ADAMTS6: variants seen among roughly 807,000 people sequenced by gnomAD.
The protein encoded by ADAMTS6 is ADAM metallopeptidase with thrombospondin type 1 motif 6, also known as A disintegrin and metalloproteinase with thrombospondin motifs 6.
Under a neutral mutation model 144.3 loss-of-function variants are expected in ADAMTS6, and 23 were observed. The ratio of observed to expected loss-of-function variants is 0.16; its 90% CI spans 0.11 to 0.23. ADAMTS6 has a LOEUF of 0.23. Among genes scored for constraint, ADAMTS6 ranks in the 10% least tolerant of loss-of-function variants. ADAMTS6 has a pLI of 1.00. For missense variants in ADAMTS6, 999 were observed against 1,379.6 expected, an observed-to-expected ratio of 0.72 and a Z score of 4.37; for synonymous variants, 444 against 457.5, an observed-to-expected ratio of 0.97 and a Z score of 0.38.
chr5:65,346,747 T>C (rs1410948883), intron 7 of ADAMTS6, among the ~76,000 whole-genome samples: 3 of 151,792 alleles, frequency 2.0e-5, no homozygotes, highest in Admixed American at 1.3e-4. Flanking sequence ...ATCTAACATA[T>C]AGAAAACTCT....
intron 22 of ADAMTS6, among the ~76,000 whole-genome samples, chr5:65,182,211 C>T (rs1754402214): frequency 6.6e-6 from 1 of 151,952 alleles, no homozygotes; most frequent in Admixed American, 6.6e-5. Context: ...CTTTGGGAGG[C>T]TGAGGTGGGT....
chr5:65,301,150 AC>A (rs1428264784), intron 9 of ADAMTS6, among the ~76,000 whole-genome samples: 6 of 152,330 alleles, frequency 3.9e-5, no homozygotes, highest in African/African-American at 4.8e-5. Context: ...ATCTAAAAAA[AC>A]ATTTTAACAA....
intron 7 of ADAMTS6, among the ~76,000 whole-genome samples, chr5:65,361,112 CTGA>C (rs1749789304): frequency 6.6e-6 from 1 of 152,068 alleles, no homozygotes; most frequent in Non-Finnish European, 1.5e-5. Flanking sequence ...AGCAGGCCAA[CTGA>C]ATATGAACCC....
rs569371850 is a variant in ADAMTS6 at position 65,417,042 on chromosome 5, G to T, written c.1073+34433C>A. Among the ~76,000 whole-genome samples, 158 of 152,234 alleles carry T rather than the reference G, an allele frequency of 1.0e-3. 1 individual carries two copies. Among genetic ancestry groups the T allele is most frequent in the Non-Finnish European group, 2.1e-3 (143 of 68,008 alleles). ...AAGTTAATTCACCATGATAAAGGAG[G>T]TTTTGTTCTTGGGATGCAAGGTTGG... is the stretch of plus-strand genomic sequence containing the variant. On this transcript the variant is annotated intron_variant, in intron 7 of 24. Transcript: ENST00000381055.
intron 14 of ADAMTS6, among the ~76,000 whole-genome samples, chr5:65,252,804 A>G (rs1760294583): frequency 6.9e-6 from 1 of 144,370 alleles, no homozygotes; most frequent in Non-Finnish European, 1.5e-5. Flanking sequence ...CTGGGTTGCA[A>G]GGTCCTAAAG....
intron 11 of ADAMTS6, among the ~76,000 whole-genome samples, chr5:65,280,944 A>C (rs1762939989): frequency 6.6e-6 from 1 of 152,214 alleles, no homozygotes; most frequent in Non-Finnish European, 1.5e-5. Context: ...TGATGAACTA[A>C]AACTGAATCC....
intron 7 of ADAMTS6, among the ~76,000 whole-genome samples, chr5:65,404,713 A>G (rs947103580): frequency 1.7e-4 from 26 of 152,346 alleles, no homozygotes; most frequent in Non-Finnish European, 2.9e-4. Flanking sequence ...TCCTTGAGGA[A>G]TCACCACACT....
chr5:65,417,283 G>T (rs1440304804), intron 7 of ADAMTS6, among the ~76,000 whole-genome samples: 2 of 152,098 alleles, frequency 1.3e-5, no homozygotes, highest in Non-Finnish European at 2.9e-5. Context: ...CACTGAATGG[G>T]CAAACACTGG....
chr5:65,354,772 A>G lies in ADAMTS6; in HGVS notation c.1074-20687T>C, dbSNP rs538451670. 1.2e-4 allele frequency among the ~76,000 whole-genome samples: 18 copies of G among 151,948 alleles called. No individual in the cohort carries two copies. In the East Asian group the frequency reaches 2.7e-3, roughly 23 times the overall value. The stretch of plus-strand genomic sequence containing the variant: ...GTAGATTCTCACTTAATTGAATTAA[A>G]AAAAATAGACACTGAAAGATGGTAT... On this transcript the variant is annotated intron_variant, in intron 7 of 24. Coordinates refer to ENST00000381055, the MANE Select transcript of ADAMTS6 (RefSeq NM_197941.4).
At chr5:65,420,489 C>A (rs1004301036) in intron 7 of ADAMTS6, among the ~76,000 whole-genome samples, 20 of 152,130 alleles carry the variant, frequency 1.3e-4, no homozygotes, top group African/African-American at 4.8e-4. Flanking sequence ...TCAAGTGATT[C>A]TCCTGCCTCA....
Position 65,280,086 on chromosome 5 carries a change from T to C in ADAMTS6, c.1513-6639A>G, listed in dbSNP as rs936641005. Reference sequence around the variant, plus strand: ...TGTATATGGTTTTACTTTGTTCTTATGTGAGGCACAAGCCTGGGGCTTCAG... The same window carrying C: ...TGTATATGGTTTTACTTTGTTCTTACGTGAGGCACAAGCCTGGGGCTTCAG... On this transcript the variant is annotated intron_variant, in intron 11 of 24. Coordinates refer to ENST00000381055, the MANE Select transcript of ADAMTS6 (RefSeq NM_197941.4). Among the ~76,000 whole-genome samples, 43 of 152,224 alleles carry C rather than the reference T, an allele frequency of 2.8e-4. 1 individual carries two copies. The highest frequency in any genetic ancestry group is 7.3e-5 in the Non-Finnish European group (5 of 68,028).
At chr5:65,193,665 T>C (rs1755151628) in intron 21 of ADAMTS6, among the ~76,000 whole-genome samples, 2 of 152,150 alleles carry the variant, frequency 1.3e-5, no homozygotes, top group African/African-American at 4.8e-5. Context: ...TGGAAAGTAA[T>C]TGGACAATGT....
chr5:65,473,527 G>A, intron 2 of ADAMTS6, 50 bp downstream of exon 2: 1 of 1,482,266 alleles, frequency 6.7e-7, no homozygotes, highest in Non-Finnish European at 9.4e-7. Flanking sequence ...ATCTTTTCTT[G>A]TCCAATTAAT....
At chr5:65,426,269 G>T (rs1156565208) in intron 7 of ADAMTS6, among the ~76,000 whole-genome samples, 1 of 147,248 alleles carries the variant, frequency 6.8e-6, no homozygotes, top group African/African-American at 2.5e-5. Context: ...ATGTTGGCCA[G>T]GCTGGTCTCG....
At chr5:65,323,588 G>A (rs1383077207) in intron 9 of ADAMTS6, among the ~76,000 whole-genome samples, 1 of 152,070 alleles carries the variant, frequency 6.6e-6, no homozygotes, top group Non-Finnish European at 1.5e-5. Context: ...ACGTGTGCAT[G>A]TGTCTTTATA....
chr5:65,455,635 C>T (rs1759131841), intron 4 of ADAMTS6, among the ~76,000 whole-genome samples: 1 of 150,608 alleles, frequency 6.6e-6, no homozygotes, highest in Admixed American at 6.6e-5. Context: ...AATGTTTCTA[C>T]TAAAAAAAAA....
chr5:65,274,269 G>A (rs190079431), intron 11 of ADAMTS6, among the ~76,000 whole-genome samples: 149 of 151,794 alleles, frequency 9.8e-4, no homozygotes, highest in African/African-American at 3.4e-3. Flanking sequence ...GGTTTCAACC[G>A]CCCCCAAAAA....
At chr5:65,334,207 C>T in intron 7 of ADAMTS6, 122 bp from the exon 8 acceptor site, 1 of 1,130,350 alleles carries the variant, frequency 8.8e-7, no homozygotes, top group Non-Finnish European at 1.2e-6. Flanking sequence ...GAGCAATCAA[C>T]TGGAGTGTCG....
intron 7 of ADAMTS6, among the ~76,000 whole-genome samples, chr5:65,357,062 A>T (rs1406099314): frequency 2.6e-5 from 4 of 151,870 alleles, no homozygotes. Flanking sequence ...GTGTCAAATA[A>T]TAAAAGCATA....
Sources: gnomAD v4.1 joint callset for allele counts (sites outside exome capture counted in the v4.1 genomes callset) on GRCh38, gnomAD v4.1.1 for gene constraint, MANE v1.5 for transcripts, NCBI Gene and HGNC (gene_info 2026-07-23, HGNC 2026-07-21) for gene names.